Variants in LDAH observed in about 807,000 individuals in gnomAD.
LDAH encodes lipid droplet associated hydrolase, also known as lipid droplet-associated hydrolase.
Under a neutral mutation model 29.6 loss-of-function variants are expected in LDAH, and 26 were observed. That is an observed-to-expected ratio of 0.88 (90% confidence interval 0.64 to 1.22). The LOEUF is 1.22. Among genes scored for constraint, LDAH ranks in the 50% most tolerant of loss-of-function variants. The probability of loss-of-function intolerance (pLI) is 0.00; values close to 1 mark genes in which losing one functional copy is unlikely to be tolerated. For missense variants in LDAH, 344 were observed against 387.3 expected, an observed-to-expected ratio of 0.89 and a Z score of 0.94; for synonymous variants, 117 against 133.0, an observed-to-expected ratio of 0.88 and a Z score of 0.83.
At chr2:20,759,003 C>T (rs1171117907) in intron 4 of LDAH, among the ~76,000 whole-genome samples, 2 of 152,152 alleles carry the variant, frequency 1.3e-5, no homozygotes, top group Non-Finnish European at 2.9e-5. Flanking sequence ...TATAATATTA[C>T]TGAAGCTCTC....
chr2:20,720,012 A>T (rs1665533607), intron 5 of LDAH, among the ~76,000 whole-genome samples: 1 of 152,170 alleles, frequency 6.6e-6, no homozygotes, highest in Non-Finnish European at 1.5e-5. Flanking sequence ...AGCTAATATC[A>T]CACTGAACAG....
rs1662478296 is a variant in LDAH, at chr2:20,685,292, T to G, written c.*1611A>C. The G allele has an allele frequency of 1.9e-6, 1 of 519,480 alleles. No homozygotes were observed. The highest frequency in any genetic ancestry group is 3.3e-6 in the Non-Finnish European group (1 of 299,472). 32.2% of individuals were successfully genotyped at this position (519,480 alleles called of 1,614,324 possible). On this transcript the variant is annotated 3_prime_UTR_variant, in exon 7 of 7. Transcript: ENST00000237822. ...GTATTGTTTACATGCCTTGATTTAG[T>G]ATCAGTGAGTATCTCCTGTATGCAA... is the stretch of plus-strand genomic sequence containing the variant.
In LDAH at chr2:20,684,704, C is replaced by T; in HGVS notation, c.*2199G>A. 11 of 603,200 alleles carry T rather than the reference C, an allele frequency of 1.8e-5. No homozygotes were observed. The South Asian group carries it at 3.0e-4, about 16-fold the overall frequency. The allele number at this position is 603,200 out of a possible 1,614,324, so 37.4% of individuals were successfully genotyped here. A position where few individuals can be genotyped will look rare whatever the true frequency, so the allele number is the denominator to read the frequency against. On this transcript the variant is annotated 3_prime_UTR_variant, in exon 7 of 7. Coordinates refer to ENST00000237822, the MANE Select transcript of LDAH (RefSeq NM_021925.4). ...TTGTGGAGATGCTTATGGCTGGGAA[C>T]AGACTAGGAACAAACACGGGTGTGG...
In LDAH at chr2:20,685,512, C is replaced by A; in HGVS notation, c.*1391G>T. 12 of 1,546,516 alleles carry A rather than the reference C, an allele frequency of 7.8e-6. No homozygotes were observed. Among genetic ancestry groups the A allele is most frequent in the Non-Finnish European group, 1.0e-5 (12 of 1,145,150 alleles). On this transcript the variant is annotated 3_prime_UTR_variant, in exon 7 of 7. Coordinates refer to ENST00000237822, the MANE Select transcript of LDAH (RefSeq NM_021925.4). ...GAAGTCACTTGCTGTGATGTAGAAG[C>A]TATGCCAAAGCACAGTAACTCATTC...
intron 4 of LDAH, among the ~76,000 whole-genome samples, chr2:20,753,370 T>C (rs1572550592): frequency 6.6e-6 from 1 of 152,218 alleles, no homozygotes; most frequent in East Asian, 1.9e-4. Flanking sequence ...TCCTGTATAA[T>C]TGTTCAAATA....
chr2:20,798,006 CA>C (rs139110112), intron 2 of LDAH, among the ~76,000 whole-genome samples: 1 of 152,234 alleles, frequency 6.6e-6, no homozygotes, highest in Non-Finnish European at 1.5e-5. Flanking sequence ...TCTTCACATA[CA>C]AAAGGCGAAA....
rs538919288 is a variant in LDAH at position 20,823,032 on chromosome 2, C to G, written c.-3+5G>C. On this transcript the variant is annotated splice_donor_5th_base_variant and intron_variant, in intron 1 of 6. Coordinates refer to ENST00000237822, the MANE Select transcript of LDAH (RefSeq NM_021925.4). ...TCACCCTGAGCTCGGCAAGCTGTACCTCACCTGTCCACCTGGAAGGCTGCC... is the reference window on the plus strand; with the variant it reads ...TCACCCTGAGCTCGGCAAGCTGTACGTCACCTGTCCACCTGGAAGGCTGCC... 6.6e-6 allele frequency: 1 copy of G among 152,560 alleles called. No individual in the cohort carries two copies. The highest frequency in any genetic ancestry group is 2.1e-4 in the South Asian group (1 of 4,834). 9.5% of individuals were successfully genotyped at this position (152,560 alleles called of 1,614,324 possible).
intron 5 of LDAH, among the ~76,000 whole-genome samples, chr2:20,726,604 C>T (rs1666033584): frequency 6.6e-6 from 1 of 152,122 alleles, no homozygotes; most frequent in African/African-American, 2.4e-5. Context: ...GGTTGTTTTC[C>T]ACCTTTCCAA....
downstream of LDAH, among the ~76,000 whole-genome samples, chr2:20,683,101 A>G (rs12988623): frequency 0.42 from 63,483 of 151,882 alleles, 13,823 homozygotes; most frequent in Middle Eastern, 0.49. Context: ...GCTTTCTTTG[A>G]CCCTCGTTCG....
Position 20,686,700 on chromosome 2 carries a change from TG to T in LDAH, c.*202del. ...ACTGTGTTCCCTGAGTCTTGGAAAA[TG>T]TATGGTTAAACCTATGGAATGATTC... On this transcript the variant is annotated 3_prime_UTR_variant, in exon 7 of 7. Coordinates refer to ENST00000237822, the MANE Select transcript of LDAH (RefSeq NM_021925.4). The T allele has an allele frequency of 5.5e-6, 2 of 364,934 alleles. No homozygotes were observed. The highest frequency in any genetic ancestry group is 5.5e-5 in the South Asian group (1 of 18,042). 22.6% of individuals were successfully genotyped at this position (364,934 alleles called of 1,614,324 possible).
At chr2:20,724,821 G>A (rs906173866) in intron 5 of LDAH, among the ~76,000 whole-genome samples, 1 of 152,212 alleles carries the variant, frequency 6.6e-6, no homozygotes, top group Non-Finnish European at 1.5e-5. Context: ...GCCAAGTTGT[G>A]CTGCTGTTTT....
intron 5 of LDAH, among the ~76,000 whole-genome samples, chr2:20,704,393 G>T (rs1454093496): frequency 6.6e-6 from 1 of 151,950 alleles, no homozygotes; most frequent in African/African-American, 2.4e-5. Flanking sequence ...TATATTTCAG[G>T]GAATTTATAA....
intron 5 of LDAH, among the ~76,000 whole-genome samples, chr2:20,721,070 G>T (rs1239639790): frequency 6.6e-6 from 1 of 152,082 alleles, no homozygotes. Flanking sequence ...TCTGGGGAAA[G>T]ATTTTTTTCG....
At chr2:20,794,611 TCCA>T (rs933966833) in intron 2 of LDAH, among the ~76,000 whole-genome samples, 1 of 152,038 alleles carries the variant, frequency 6.6e-6, no homozygotes, top group African/African-American at 2.4e-5. Flanking sequence ...ATTAACATCA[TCCA>T]CCACATTAAC....
chr2:20,719,536 T>C (rs1665493222), intron 5 of LDAH, among the ~76,000 whole-genome samples: 1 of 152,096 alleles, frequency 6.6e-6, no homozygotes, highest in Non-Finnish European at 1.5e-5. Context: ...CACTGCTGAA[T>C]TCTACCAAAC....
chr2:20,771,745 A>C (rs893405273), intron 4 of LDAH, among the ~76,000 whole-genome samples: 1 of 151,956 alleles, frequency 6.6e-6, no homozygotes, highest in Non-Finnish European at 1.5e-5. Context: ...CCTACCCCCC[A>C]AAAGAGGTGA....
intron 4 of LDAH, among the ~76,000 whole-genome samples, chr2:20,754,213 C>T (rs839930): frequency 0.66 from 101,017 of 151,916 alleles, 34,250 homozygotes; most frequent in East Asian, 0.87. Flanking sequence ...GCAGGCTGGG[C>T]GCGGTGGCTC....
In LDAH at chr2:20,795,169, A is replaced by C. The variant is rs541684783; in HGVS notation, c.155-4771T>G. Among the ~76,000 whole-genome samples the C allele has an allele frequency of 1.6e-3, 248 of 152,332 alleles. 1 individual carries two copies. The highest frequency in any genetic ancestry group is 5.9e-3 in the African/African-American group (244 of 41,574). ...CACTTGAACATGCTCATAACAGTCA[A>C]ATCAGTCAAATACCCATGCAATGTA... On this transcript the variant is annotated intron_variant, in intron 2 of 6. Coordinates refer to ENST00000237822, the MANE Select transcript of LDAH (RefSeq NM_021925.4).
intron 3 of LDAH, among the ~76,000 whole-genome samples, chr2:20,780,927 C>T (rs1163452236): frequency 6.6e-6 from 1 of 152,130 alleles, no homozygotes; most frequent in Non-Finnish European, 1.5e-5. Flanking sequence ...ACTCCCAGTC[C>T]TGGCAAGAGA....
Sources: allele counts gnomAD v4.1 joint callset (sites outside exome capture counted in the v4.1 genomes callset), GRCh38; gene constraint gnomAD v4.1.1; transcripts MANE v1.5; gene names NCBI Gene and HGNC (gene_info 2026-07-23, HGNC 2026-07-21).